Variants in FRMD4A observed in about 807,000 individuals in gnomAD.
FRMD4A encodes the protein FERM domain-containing protein 4A.
In FRMD4A, 29 loss-of-function variants were observed where a neutral mutation model predicts 129.1. That is an observed-to-expected ratio of 0.22 (90% CI 0.17 to 0.31). FRMD4A has a LOEUF of 0.31. Ranked by LOEUF, FRMD4A falls within the 10% of genes least tolerant of loss-of-function variation. FRMD4A has a pLI of 1.00. For synonymous variants in FRMD4A, 634 were observed against 571.6 expected (o/e 1.11, Z -1.56); for missense variants, 1,272 against 1,375.8 (o/e 0.92, Z 1.19).
intron 2 of FRMD4A, among the ~76,000 whole-genome samples, chr10:13,959,196 G>T (rs1409111562): frequency 6.6e-6 from 1 of 152,038 alleles, no homozygotes; most frequent in Non-Finnish European, 1.5e-5. Flanking sequence ...GAGTGGGCTA[G>T]GTGCGGAGGG....
At chr10:13,934,281 C>A (rs571023238) in intron 2 of FRMD4A, among the ~76,000 whole-genome samples, 6 of 152,300 alleles carry the variant, frequency 3.9e-5, no homozygotes, top group Admixed American at 3.9e-4. Flanking sequence ...GAGGTGTAGA[C>A]AATCTAGATT....
At chr10:14,054,115 T>C (rs1004527274) in intron 2 of FRMD4A, among the ~76,000 whole-genome samples, 3 of 152,122 alleles carry the variant, frequency 2.0e-5, no homozygotes, top group African/African-American at 4.8e-5. Flanking sequence ...CAGTGAGCTC[T>C]GATCGCACCA....
chr10:14,171,293 G>A (rs1448437238), intron 2 of FRMD4A, among the ~76,000 whole-genome samples: 2 of 152,238 alleles, frequency 1.3e-5, no homozygotes, highest in East Asian at 3.9e-4. Flanking sequence ...ACCTGTGTCA[G>A]GGCCTGCCAG....
chr10:13,981,481 C>T (rs1016679260), intron 2 of FRMD4A, among the ~76,000 whole-genome samples: 17 of 152,038 alleles, frequency 1.1e-4, no homozygotes, highest in African/African-American at 3.9e-4. Flanking sequence ...TGGCTTACAC[C>T]TGTAATCCCA....
chr10:13,935,609 T>A (rs1270920951), intron 2 of FRMD4A, among the ~76,000 whole-genome samples: 2 of 152,134 alleles, frequency 1.3e-5, no homozygotes, highest in Admixed American at 6.5e-5. Flanking sequence ...AAGTTTATCA[T>A]CTCTGATATT....
chr10:13,952,047 C>T (rs2095375539), intron 2 of FRMD4A, among the ~76,000 whole-genome samples: 1 of 150,694 alleles, frequency 6.6e-6, no homozygotes, highest in Admixed American at 6.6e-5. Flanking sequence ...TGGGAAGGGG[C>T]TTGTTTCAGA....
intron 2 of FRMD4A, among the ~76,000 whole-genome samples, chr10:13,943,806 G>A (rs952013777): frequency 1.3e-5 from 2 of 151,916 alleles, no homozygotes; most frequent in African/African-American, 4.8e-5. Flanking sequence ...TATTGCTTAT[G>A]TCTTTAAAAA....
At chr10:14,074,766 A>G (rs1835486288) in intron 2 of FRMD4A, 1 of 152,200 alleles carries the variant, frequency 6.6e-6, no homozygotes, top group Admixed American at 6.5e-5. Flanking sequence ...GCTGGAATGG[A>G]GACGGACTCC....
At chr10:14,223,202 G>A (rs1251269269) in intron 2 of FRMD4A, among the ~76,000 whole-genome samples, 1 of 152,182 alleles carries the variant, frequency 6.6e-6, no homozygotes, top group Non-Finnish European at 1.5e-5. Flanking sequence ...TCTCCGGATG[G>A]AGCAGGCACA....
At chr10:14,130,668 C>T (rs952036625) in intron 2 of FRMD4A, among the ~76,000 whole-genome samples, 3 of 152,138 alleles carry the variant, frequency 2.0e-5, no homozygotes, top group African/African-American at 7.2e-5. Context: ...GTTTCTTATT[C>T]AAATTTGAAA....
chr10:14,092,604 T>C (rs1388670673), intron 2 of FRMD4A, among the ~76,000 whole-genome samples: 1 of 152,202 alleles, frequency 6.6e-6, no homozygotes, highest in Non-Finnish European at 1.5e-5. Context: ...GTTCATTGAG[T>C]ATAGACATCA....
intron 21 of FRMD4A, 72 bp from the exon 22 acceptor site, chr10:13,657,594 G>C (rs2082277979): frequency 6.9e-7 from 1 of 1,452,840 alleles, no homozygotes; most frequent in African/African-American, 1.4e-5. Flanking sequence ...GGGGAGGAGG[G>C]GGTCCTGAGG....
intron 2 of FRMD4A, among the ~76,000 whole-genome samples, chr10:13,946,000 G>T (rs778062815): frequency 6.6e-6 from 1 of 152,176 alleles, no homozygotes; most frequent in African/African-American, 2.4e-5. Context: ...GCCTTCTTGC[G>T]TCTCAGAGCA....
intron 2 of FRMD4A, among the ~76,000 whole-genome samples, chr10:14,068,501 C>A (rs11258850): frequency 6.6e-6 from 1 of 152,096 alleles, no homozygotes; most frequent in African/African-American, 2.4e-5. Flanking sequence ...TTGTTCATTA[C>A]GTTTGAATTT....
At chr10:14,267,360 A>G (rs1845015030) in intron 2 of FRMD4A, among the ~76,000 whole-genome samples, 1 of 152,174 alleles carries the variant, frequency 6.6e-6, no homozygotes, top group Non-Finnish European at 1.5e-5. Flanking sequence ...TTCTCATTTA[A>G]TTCTTATAAT....
chr10:13,926,044 T>A (rs1272816560), intron 2 of FRMD4A, among the ~76,000 whole-genome samples: 1 of 152,156 alleles, frequency 6.6e-6, no homozygotes, highest in Admixed American at 6.5e-5. Flanking sequence ...CTGTTCATCG[T>A]GTGTGGTTCA....
chr10:14,252,697 C>T (rs956564213), intron 2 of FRMD4A, among the ~76,000 whole-genome samples: 3 of 152,226 alleles, frequency 2.0e-5, no homozygotes, highest in African/African-American at 7.2e-5. Context: ...GTATATGCCA[C>T]ATATCTCTAC....
rs566964813 is a variant in FRMD4A, at chr10:14,126,458, C to T, written c.45+203600G>A. Among the ~76,000 whole-genome samples, 19 of 152,078 alleles carry T rather than the reference C, an allele frequency of 1.2e-4. No individual in the cohort carries two copies. In the East Asian group the frequency reaches 3.3e-3, roughly 26 times the overall value. Reference sequence around the variant, plus strand: ...TTCTGGGATTACAGGCGTGAGCCACCGTGCCCGGCCTGCCTTGCCCACTTT... The same window carrying T: ...TTCTGGGATTACAGGCGTGAGCCACTGTGCCCGGCCTGCCTTGCCCACTTT... On this transcript the variant is annotated intron_variant, in intron 2 of 24. Coordinates refer to ENST00000357447, the MANE Select transcript of FRMD4A (RefSeq NM_018027.5).
At chr10:14,130,929 G>A (rs1195919928) in intron 2 of FRMD4A, among the ~76,000 whole-genome samples, 1 of 152,168 alleles carries the variant, frequency 6.6e-6, no homozygotes, top group African/African-American at 2.4e-5. Flanking sequence ...TGTAGCCCAA[G>A]TCAGAGCTCA....
Sources: allele counts gnomAD v4.1 joint callset (sites outside exome capture counted in the v4.1 genomes callset), GRCh38; gene constraint gnomAD v4.1.1; transcripts MANE v1.5; gene names NCBI Gene and HGNC (gene_info 2026-07-23, HGNC 2026-07-21).